Variants in TAFA5 observed in about 807,000 individuals in gnomAD.
The protein encoded by TAFA5 is TAFA chemokine like family member 5, also known as chemokine-like protein TAFA-5.
Under a neutral mutation model 15.3 loss-of-function variants are expected in TAFA5, and 6 were observed. The observed-to-expected ratio is 0.39, with a 90% CI of 0.21 to 0.77. TAFA5 has a LOEUF of 0.77. Ranked by LOEUF, TAFA5 falls within the 30% of genes least tolerant of loss-of-function variation. The probability of loss-of-function intolerance (pLI) is 0.41; values close to 1 mark genes in which losing one functional copy is unlikely to be tolerated. For missense variants in TAFA5, 161 were observed against 193.1 expected (o/e 0.83, Z 0.98); for synonymous variants, 103 against 80.7 (o/e 1.28, Z -1.48).
Position 48,559,570 on chromosome 22 carries a change from C to T in TAFA5, c.112+69866C>T, listed in dbSNP as rs75833595. Reference sequence around the variant, plus strand: ...CCCTTCCCCCCTGGTCTCCACGTCCCCAAGGCTTCTCCCTGTCACTGCAGC... The same window carrying T: ...CCCTTCCCCCCTGGTCTCCACGTCCTCAAGGCTTCTCCCTGTCACTGCAGC... On this transcript the variant is annotated intron_variant, in intron 1 of 3. Coordinates refer to ENST00000402357, the MANE Select transcript of TAFA5 (RefSeq NM_001082967.3). 9.7e-3 allele frequency among the ~76,000 whole-genome samples: 1,480 copies of T among 152,236 alleles called. 38 individuals are homozygous for T. Among genetic ancestry groups the T allele is most frequent in the African/African-American group, 0.034 (1,423 of 41,538 alleles).
intron 2 of TAFA5, among the ~76,000 whole-genome samples, chr22:48,695,242 A>C (rs965889699): frequency 6.6e-6 from 1 of 151,940 alleles, no homozygotes; most frequent in Non-Finnish European, 1.5e-5. Context: ...TGTTGATTGA[A>C]TCCTCCATCA....
chr22:48,603,650 C>T (rs983789082), intron 1 of TAFA5, among the ~76,000 whole-genome samples: 54 of 152,302 alleles, frequency 3.5e-4, no homozygotes, highest in African/African-American at 1.0e-3. Flanking sequence ...AGGGCAGGCA[C>T]GCAGATCTTC....
intron 1 of TAFA5, among the ~76,000 whole-genome samples, chr22:48,518,227 G>A (rs1455807883): frequency 6.6e-6 from 1 of 152,222 alleles, no homozygotes; most frequent in East Asian, 1.9e-4. Context: ...CTGGGTGTCT[G>A]GACCTGGGGT....
intron 1 of TAFA5, among the ~76,000 whole-genome samples, chr22:48,630,126 A>G (rs981701507): frequency 1.3e-5 from 2 of 151,916 alleles, no homozygotes; most frequent in Non-Finnish European, 2.9e-5. Context: ...TAGATTCTCT[A>G]AATAGGGTGC....
At chr22:48,667,674 C>T (rs1036206729) in intron 2 of TAFA5, among the ~76,000 whole-genome samples, 1 of 152,168 alleles carries the variant, frequency 6.6e-6, no homozygotes, top group Admixed American at 6.5e-5. Context: ...CAAAAATAAT[C>T]GGCTTCTGGC....
At chr22:48,533,902 A>G (rs896961017) in intron 1 of TAFA5, among the ~76,000 whole-genome samples, 1 of 152,176 alleles carries the variant, frequency 6.6e-6, no homozygotes, top group African/African-American at 2.4e-5. Context: ...GGTGGAAAGG[A>G]TGAGCCTGGC....
intron 1 of TAFA5, among the ~76,000 whole-genome samples, chr22:48,504,065 A>G (rs1920970638): frequency 6.6e-6 from 1 of 152,144 alleles, no homozygotes; most frequent in Non-Finnish European, 1.5e-5. Flanking sequence ...CTCACTCTTC[A>G]TTTCTGGTAC....
chr22:48,746,075 A>G (rs1930320732), intron 3 of TAFA5, among the ~76,000 whole-genome samples: 2 of 151,998 alleles, frequency 1.3e-5, no homozygotes. Context: ...GGGCACATTC[A>G]GCGTCCATTC....
At chr22:48,536,227 G>C (rs1922157693) in intron 1 of TAFA5, among the ~76,000 whole-genome samples, 1 of 152,250 alleles carries the variant, frequency 6.6e-6, no homozygotes, top group East Asian at 1.9e-4. Flanking sequence ...CAGGGACTTG[G>C]AAACCTACCG....
At chr22:48,610,749 A>G (rs73889170) in intron 1 of TAFA5, among the ~76,000 whole-genome samples, 5,485 of 152,132 alleles carry the variant, frequency 0.036, 339 homozygotes, top group African/African-American at 0.13. Flanking sequence ...GAGAATCTCC[A>G]TTAGCAAGGG....
chr22:48,542,376 TG>T (rs1922441431), intron 1 of TAFA5, among the ~76,000 whole-genome samples: 2 of 111,920 alleles, frequency 1.8e-5, no homozygotes, highest in African/African-American at 7.2e-5. Flanking sequence ...TGCGGGTGTG[TG>T]GTGTGTGTGT....
chr22:48,725,841 C>A (rs1204643026), intron 3 of TAFA5, among the ~76,000 whole-genome samples: 1 of 151,930 alleles, frequency 6.6e-6, no homozygotes, highest in Non-Finnish European at 1.5e-5. Flanking sequence ...GAGGGGGAAC[C>A]TCAATGGCTC....
chr22:48,492,706 C>T (rs891326231), intron 1 of TAFA5, among the ~76,000 whole-genome samples: 9 of 152,214 alleles, frequency 5.9e-5, no homozygotes, highest in Non-Finnish European at 1.0e-4. Context: ...AAAATGCATG[C>T]TCGGTGGTCT....
chr22:48,542,302 T>G (rs1469735655), intron 1 of TAFA5, among the ~76,000 whole-genome samples: 1 of 133,628 alleles, frequency 7.5e-6, no homozygotes, highest in Non-Finnish European at 1.6e-5. Flanking sequence ...GTGTGATGTG[T>G]GTGTAGTGTG....
At chr22:48,653,048 C>T (rs1350811632) in intron 2 of TAFA5, among the ~76,000 whole-genome samples, 4 of 152,224 alleles carry the variant, frequency 2.6e-5, no homozygotes, top group Admixed American at 6.5e-5. Context: ...CACTGCATCA[C>T]GCGACCGTGG....
intron 1 of TAFA5, among the ~76,000 whole-genome samples, chr22:48,631,906 T>G (rs946321594): frequency 2.0e-5 from 3 of 152,162 alleles, no homozygotes; most frequent in African/African-American, 7.2e-5. Flanking sequence ...ATGGGACCCC[T>G]GAGCCCCAGC....
intron 2 of TAFA5, among the ~76,000 whole-genome samples, chr22:48,697,221 G>A (rs960407410): frequency 1.3e-5 from 2 of 152,204 alleles, no homozygotes; most frequent in African/African-American, 4.8e-5. Context: ...ATGAGCTAAG[G>A]ATGAGAGCCT....
chr22:48,630,497 G>A (rs1489085594), intron 1 of TAFA5, among the ~76,000 whole-genome samples: 1 of 152,124 alleles, frequency 6.6e-6, no homozygotes, highest in Non-Finnish European at 1.5e-5. Flanking sequence ...GACCAGGTGT[G>A]CGCTGTTGTG....
chr22:48,711,457 G>A (rs1011596871), intron 3 of TAFA5, among the ~76,000 whole-genome samples: 1 of 152,044 alleles, frequency 6.6e-6, no homozygotes, highest in African/African-American at 2.4e-5. Flanking sequence ...AAGTCTCTGG[G>A]AACAGCAGGA....
Sources: gnomAD v4.1 joint callset for allele counts (sites outside exome capture counted in the v4.1 genomes callset) on GRCh38, gnomAD v4.1.1 for gene constraint, MANE v1.5 for transcripts, NCBI Gene and HGNC (gene_info 2026-07-23, HGNC 2026-07-21) for gene names.